CREB3L2: variants seen among roughly 807,000 people sequenced by gnomAD.
CREB3L2 encodes cAMP responsive element binding protein 3 like 2.
In CREB3L2, 23 loss-of-function variants were observed where a neutral mutation model predicts 57.2. The ratio of observed to expected loss-of-function variants is 0.40; its 90% CI spans 0.29 to 0.57. CREB3L2 has a LOEUF of 0.57. Among genes scored for constraint, CREB3L2 ranks in the 20% least tolerant of loss-of-function variants. The pLI is 0.42. For synonymous variants in CREB3L2, 268 were observed against 265.1 expected (o/e 1.01, Z -0.11); for missense variants, 628 against 634.7 (o/e 0.99, Z 0.11).
chr7:137,901,025 A>G (rs1319173145), intron 8 of CREB3L2, among the ~76,000 whole-genome samples: 1 of 152,132 alleles, frequency 6.6e-6, no homozygotes, highest in African/African-American at 2.4e-5. Context: ...CTTCTTCTTC[A>G]ATCCTGTATC....
At position 137,882,565 on chromosome 7, in the gene CREB3L2, C is replaced by A; in HGVS notation, c.1334G>T (p.Gly445Val). 6.2e-7 allele frequency: 1 copy of A among 1,613,522 alleles called. No individual in the cohort carries two copies. Among genetic ancestry groups the A allele is most frequent in the Non-Finnish European group, 8.5e-7 (1 of 1,179,568 alleles). ...CCAGCCCCCCAGCTCCCCAGCCGAG[C>A]CCGGGCTGGATGACTCCTCTGGGGG... ...HSPPEESSSP[G>V]SAGELGGWDR... Residue 445 changes from glycine (G) to valine (V), a missense_variant, in exon 11 of 12, where the codon GGC becomes GTC. Physicochemically the swap from Gly to Val is moderately radical, Grantham distance 109 (BLOSUM62 -3). Transcript: ENST00000330387.
chr7:137,986,049 C>T (rs550589127), intron 1 of CREB3L2, among the ~76,000 whole-genome samples: 3 of 152,284 alleles, frequency 2.0e-5, no homozygotes, highest in Admixed American at 2.0e-4. Context: ...CATCTAGCGG[C>T]CACAAACCAG....
At chr7:137,965,349 G>A (rs1405696136) in intron 1 of CREB3L2, among the ~76,000 whole-genome samples, 1 of 152,150 alleles carries the variant, frequency 6.6e-6, no homozygotes, top group African/African-American at 2.4e-5. Flanking sequence ...ACTCGTTGAG[G>A]AAAACATGGC....
intron 2 of CREB3L2, among the ~76,000 whole-genome samples, chr7:137,920,931 G>C (rs1262940536): frequency 6.6e-6 from 1 of 152,224 alleles, no homozygotes; most frequent in African/African-American, 2.4e-5. Context: ...TATGAAGTGA[G>C]GGTTAAGGAA....
chr7:137,903,597 G>A (rs760962355), intron 7 of CREB3L2, among the ~76,000 whole-genome samples: 14 of 152,076 alleles, frequency 9.2e-5, no homozygotes, highest in Non-Finnish European at 2.1e-4. Flanking sequence ...GCCAATGGGG[G>A]CTGATTAAGT....
chr7:137,904,165 C>T (rs1483277129), intron 6 of CREB3L2, 148 bp from the exon 7 acceptor site: 2 of 674,478 alleles, frequency 3.0e-6, no homozygotes, highest in African/African-American at 3.6e-5. Context: ...GGTTCATTGA[C>T]TAGTCTGTCC....
chr7:137,897,900 G>A (rs1799661104), intron 8 of CREB3L2, among the ~76,000 whole-genome samples: 1 of 151,972 alleles, frequency 6.6e-6, no homozygotes, highest in Non-Finnish European at 1.5e-5. Flanking sequence ...CGAAACGTAT[G>A]ATAAACAAGT....
chr7:137,973,459 G>A (rs546169578), intron 1 of CREB3L2, among the ~76,000 whole-genome samples: 2 of 152,288 alleles, frequency 1.3e-5, no homozygotes, highest in South Asian at 2.1e-4. Context: ...CATGACCCTC[G>A]GGAGCTAGAG....
At chr7:137,886,864 T>C (rs141155005) in intron 8 of CREB3L2, among the ~76,000 whole-genome samples, 87 of 152,210 alleles carry the variant, frequency 5.7e-4, no homozygotes, top group Admixed American at 4.1e-3. Context: ...GTAAAATTCT[T>C]TGCAAATTCT....
chr7:137,904,330 A>G (rs907158149), intron 6 of CREB3L2, among the ~76,000 whole-genome samples: 2 of 152,172 alleles, frequency 1.3e-5, no homozygotes, highest in Admixed American at 1.3e-4. Context: ...CAGGAGTTCG[A>G]GACCAGCCTG....
At position 137,955,179 on chromosome 7, in the gene CREB3L2, C is replaced by G. The variant is rs1801182623; in HGVS notation, c.103-26813G>C. ...GGTTACAGATACGCTACTACTTCAT[C>G]ATTAGAAACCCCCTGAAATCCTTGC... On this transcript the variant is annotated intron_variant, in intron 1 of 11. Coordinates refer to ENST00000330387, the MANE Select transcript of CREB3L2 (RefSeq NM_194071.4). The G allele has an allele frequency of 3.9e-6, 3 of 763,500 alleles. No homozygotes were observed. In the African/African-American group the frequency reaches 5.4e-5, roughly 14 times the overall value. The allele number at this position is 763,500 out of a possible 1,614,324, so 47.3% of individuals were successfully genotyped here. A position where few individuals can be genotyped will look rare whatever the true frequency, so the allele number is the denominator to read the frequency against.
chr7:137,957,016 C>T (rs1801228989), intron 1 of CREB3L2, among the ~76,000 whole-genome samples: 1 of 151,848 alleles, frequency 6.6e-6, no homozygotes, highest in Admixed American at 6.6e-5. Context: ...CCCCAGTGTA[C>T]ATTAAAACTC....
At chr7:137,963,864 A>G (rs1585662260) in intron 1 of CREB3L2, among the ~76,000 whole-genome samples, 2 of 152,160 alleles carry the variant, frequency 1.3e-5, no homozygotes, top group Admixed American at 6.5e-5. Context: ...ATTTTGTTCA[A>G]TGTTAGGATA....
chr7:137,969,374 T>G (rs1057206168), intron 1 of CREB3L2, among the ~76,000 whole-genome samples: 1 of 142,054 alleles, frequency 7.0e-6, no homozygotes, highest in Non-Finnish European at 1.5e-5. Flanking sequence ...TGAGACAGAG[T>G]CTCATGCCGT....
At chr7:137,956,914 A>G (rs1801225853) in intron 1 of CREB3L2, among the ~76,000 whole-genome samples, 3 of 152,200 alleles carry the variant, frequency 2.0e-5, no homozygotes, top group African/African-American at 7.2e-5. Flanking sequence ...AGTAGTGAAG[A>G]GCTACTTTTA....
At position 137,908,238 on chromosome 7, in the gene CREB3L2, C is replaced by T. The variant is rs769915675; in HGVS notation, c.768+14G>A. ...GGGTTCCCTTTGGTCCAGGAATGCC[C>T]GCTGCATACTTACATGAGGAGCCGT... is the stretch of plus-strand genomic sequence containing the variant. On this transcript the variant is annotated intron_variant, in intron 5 of 11. Coordinates refer to ENST00000330387, the MANE Select transcript of CREB3L2 (RefSeq NM_194071.4). 23 of 1,254,700 alleles carry T rather than the reference C, an allele frequency of 1.8e-5. No individual in the cohort carries two copies. Among genetic ancestry groups the T allele is most frequent in the East Asian group, 6.0e-5 (2 of 33,458 alleles). The allele number at this position is 1,254,700 out of a possible 1,614,324, so 77.7% of individuals were successfully genotyped here.
intron 2 of CREB3L2, among the ~76,000 whole-genome samples, chr7:137,927,410 A>G (rs1295873292): frequency 7.5e-6 from 1 of 132,906 alleles, no homozygotes; most frequent in Non-Finnish European, 1.6e-5. Context: ...AAGGAAGGGA[A>G]GGGAAGGGAA....
intron 6 of CREB3L2, 61 bp from the exon 7 acceptor site, chr7:137,904,078 G>C (rs1563246138): frequency 7.3e-7 from 1 of 1,378,758 alleles, no homozygotes; most frequent in Non-Finnish European, 1.0e-6. Context: ...AACCAGTTAA[G>C]ATGGGAGGTG....
At chr7:137,955,394 C>G (rs1364419806) in intron 1 of CREB3L2, 1 of 957,866 alleles carries the variant, frequency 1.0e-6, no homozygotes, top group Non-Finnish European at 1.5e-6. Context: ...AGTTCTTCAG[C>G]ACGGCCACCT....
Sources: allele counts gnomAD v4.1 joint callset (sites outside exome capture counted in the v4.1 genomes callset), GRCh38; gene constraint gnomAD v4.1.1; transcripts MANE v1.5; gene names NCBI Gene and HGNC (gene_info 2026-07-23, HGNC 2026-07-21).